NR2F1-AS1: variants seen among roughly 807,000 people sequenced by gnomAD.
The protein encoded by NR2F1-AS1 is NR2F1 regulatory antisense RNA 1.
intron 4 of NR2F1-AS1, among the ~76,000 whole-genome samples, chr5:93,458,866 G>A (rs920182969): frequency 1.3e-5 from 2 of 151,900 alleles, no homozygotes; most frequent in African/African-American, 4.8e-5. Context: ...AAAAAAATTA[G>A]CTGGGTATGG....
At chr5:93,464,415 A>G (rs2149865727) in intron 4 of NR2F1-AS1, among the ~76,000 whole-genome samples, 1 of 152,338 alleles carries the variant, frequency 6.6e-6, no homozygotes, top group East Asian at 1.9e-4. Flanking sequence ...TTTATTTACT[A>G]GAAAATTAGA....
chr5:93,421,467 G>A (rs1388129831), intron 4 of NR2F1-AS1, among the ~76,000 whole-genome samples: 1 of 151,990 alleles, frequency 6.6e-6, no homozygotes, highest in Non-Finnish European at 1.5e-5. Context: ...TCCATTCCTC[G>A]GTGTGGTTTA....
At chr5:93,578,352 C>G (rs1471923528) in intron 1 of NR2F1-AS1, among the ~76,000 whole-genome samples, 1 of 152,118 alleles carries the variant, frequency 6.6e-6, no homozygotes, top group Non-Finnish European at 1.5e-5. Flanking sequence ...TATAGGCTTA[C>G]AGCCTAATTC....
chr5:93,554,051 T>C (rs1752293952), intron 3 of NR2F1-AS1, among the ~76,000 whole-genome samples: 1 of 152,196 alleles, frequency 6.6e-6, no homozygotes. Flanking sequence ...GATCAATTCA[T>C]TGTAGTCTAT....
intron 4 of NR2F1-AS1, among the ~76,000 whole-genome samples, chr5:93,468,365 CATT>C (rs748342919): frequency 6.2e-4 from 95 of 152,316 alleles, no homozygotes; most frequent in Non-Finnish European, 1.2e-3. Flanking sequence ...GATGGTATCT[CATT>C]GTGGTTTTGA....
chr5:93,469,520 G>C (rs557321793), intron 4 of NR2F1-AS1, among the ~76,000 whole-genome samples: 2 of 151,936 alleles, frequency 1.3e-5, no homozygotes, highest in Non-Finnish European at 2.9e-5. Context: ...ACCAACTAAA[G>C]CTCAGTAAAC....
At chr5:93,442,363 G>A (rs1749591923) in intron 4 of NR2F1-AS1, among the ~76,000 whole-genome samples, 1 of 152,170 alleles carries the variant, frequency 6.6e-6, no homozygotes, top group Non-Finnish European at 1.5e-5. Flanking sequence ...TTTTCCAATG[G>A]TCTTAGCAAA....
intron 4 of NR2F1-AS1, among the ~76,000 whole-genome samples, chr5:93,510,438 C>T (rs1439249149): frequency 6.6e-6 from 1 of 152,162 alleles, no homozygotes; most frequent in East Asian, 1.9e-4. Context: ...ACTCCTCCTC[C>T]TTGCCCATAG....
At chr5:93,547,038 T>C (rs1457622066) in intron 4 of NR2F1-AS1, among the ~76,000 whole-genome samples, 2 of 152,198 alleles carry the variant, frequency 1.3e-5, no homozygotes, top group African/African-American at 4.8e-5. Flanking sequence ...TCACCTGCTG[T>C]GTGAGTTTCC....
chr5:93,423,684 G>A (rs185752539), intron 4 of NR2F1-AS1, among the ~76,000 whole-genome samples: 1 of 152,190 alleles, frequency 6.6e-6, no homozygotes, highest in African/African-American at 2.4e-5. Context: ...GGCTTATGGA[G>A]TGTTTCAAAT....
intron 2 of NR2F1-AS1, among the ~76,000 whole-genome samples, chr5:93,557,587 A>T (rs1752388516): frequency 6.6e-6 from 1 of 152,190 alleles, no homozygotes; most frequent in Admixed American, 6.5e-5. Flanking sequence ...TAAAAAAAAA[A>T]ATGTGAATGA....
intron 4 of NR2F1-AS1, among the ~76,000 whole-genome samples, chr5:93,476,216 T>C (rs530359665): frequency 2.6e-5 from 4 of 152,340 alleles, no homozygotes; most frequent in African/African-American, 9.6e-5. Flanking sequence ...TTTTGTAGTC[T>C]CTTTAAAGTA....
At chr5:93,469,915 CAA>C (rs1750330623) in intron 4 of NR2F1-AS1, among the ~76,000 whole-genome samples, 1 of 151,950 alleles carries the variant, frequency 6.6e-6, no homozygotes, top group African/African-American at 2.4e-5. Flanking sequence ...GAAAATGTGA[CAA>C]GTGCAAAATA....
At chr5:93,577,250 G>A (rs892134128) in intron 1 of NR2F1-AS1, among the ~76,000 whole-genome samples, 2 of 152,188 alleles carry the variant, frequency 1.3e-5, no homozygotes, top group African/African-American at 2.4e-5. Flanking sequence ...TTAAATGACC[G>A]GTTTGAGATA....
chr5:93,460,705 T>C (rs778067679), intron 4 of NR2F1-AS1, among the ~76,000 whole-genome samples: 5 of 151,968 alleles, frequency 3.3e-5, no homozygotes, highest in African/African-American at 4.8e-5. Flanking sequence ...AAGACATACA[T>C]GCAGCCAACA....
chr5:93,473,083 T>G (rs184773261), intron 4 of NR2F1-AS1, among the ~76,000 whole-genome samples: 19 of 152,052 alleles, frequency 1.2e-4, no homozygotes, highest in African/African-American at 4.3e-4. Flanking sequence ...ATATTTTTGT[T>G]GCTGCCAAAT....
chr5:93,573,286 C>T (rs1207139988), intron 1 of NR2F1-AS1, among the ~76,000 whole-genome samples: 1 of 152,204 alleles, frequency 6.6e-6, no homozygotes, highest in Admixed American at 6.5e-5. Context: ...CGGCAGCGGG[C>T]CTCCAGAACC....
intron 1 of NR2F1-AS1, among the ~76,000 whole-genome samples, chr5:93,574,251 G>A (rs1432652773): frequency 2.0e-5 from 3 of 152,206 alleles, no homozygotes; most frequent in African/African-American, 7.2e-5. Flanking sequence ...GCCCCCGGGG[G>A]AGGAGGCACC....
At chr5:93,583,349 CCCTCTCTCCCT>C (rs1753161303), upstream of NR2F1-AS1, 1 of 150,264 alleles carries the variant, frequency 6.7e-6, no homozygotes, top group Admixed American at 6.6e-5. Context: ...TCTTTCTCCC[CCCTCTCTCCCT>C]CCTCTCCTCT....
Sources: allele counts gnomAD v4.1 joint callset (sites outside exome capture counted in the v4.1 genomes callset), GRCh38; gene constraint gnomAD v4.1.1; transcripts MANE v1.5; gene names NCBI Gene and HGNC (gene_info 2026-07-23, HGNC 2026-07-21).